KIAA0825: variants seen among roughly 807,000 people sequenced by gnomAD.
KIAA0825 encodes the protein uncharacterized protein KIAA0825.
Under a neutral mutation model 147.6 loss-of-function variants are expected in KIAA0825, and 119 were observed. That is an observed-to-expected ratio of 0.81 (90% CI 0.69 to 0.94). The LOEUF (loss-of-function observed/expected upper bound fraction) is 0.94, where lower values mean the gene tolerates loss of function less well. Ranked by LOEUF, KIAA0825 falls within the 40% of genes least tolerant of loss-of-function variation. The pLI is 0.00. For synonymous variants in KIAA0825, 470 were observed against 518.1 expected (o/e 0.91, Z 1.26); for missense variants, 1,381 against 1,472.7 (o/e 0.94, Z 1.02).
At chr5:94,461,885 A>G (rs1378989223) in intron 12 of KIAA0825, among the ~76,000 whole-genome samples, 1 of 151,990 alleles carries the variant, frequency 6.6e-6, no homozygotes, top group Non-Finnish European at 1.5e-5. Context: ...TGAATTAACC[A>G]GAAATCAAAA....
intron 2 of KIAA0825, among the ~76,000 whole-genome samples, chr5:94,546,420 C>A (rs77596499): frequency 6.6e-6 from 1 of 151,982 alleles, no homozygotes; most frequent in Non-Finnish European, 1.5e-5. Context: ...CAAGACCCAG[C>A]GCTGTGCTGG....
At chr5:94,384,956 G>A (rs796694192) in intron 19 of KIAA0825, among the ~76,000 whole-genome samples, 2 of 152,204 alleles carry the variant, frequency 1.3e-5, no homozygotes, top group African/African-American at 4.8e-5. Context: ...GCTTTAAAGG[G>A]AAGATTATGA....
intron 7 of KIAA0825, among the ~76,000 whole-genome samples, chr5:94,474,166 G>A (rs1761559793): frequency 6.6e-6 from 1 of 152,106 alleles, no homozygotes; most frequent in Admixed American, 6.5e-5. Context: ...CTGTTCTATT[G>A]TGGTGGTTGG....
intron 5 of KIAA0825, among the ~76,000 whole-genome samples, chr5:94,518,194 G>A (rs1442163102): frequency 3.3e-5 from 5 of 152,114 alleles, no homozygotes; most frequent in African/African-American, 1.2e-4. Context: ...TCATCTCAAA[G>A]ATGTATTTCC....
intron 20 of KIAA0825, among the ~76,000 whole-genome samples, chr5:94,186,678 T>C (rs1032103797): frequency 6.6e-6 from 1 of 152,196 alleles, no homozygotes; most frequent in Non-Finnish European, 1.5e-5. Context: ...TGCTCAGAGA[T>C]AGACCAATCA....
intron 20 of KIAA0825, among the ~76,000 whole-genome samples, chr5:94,260,440 C>T (rs1776437168): frequency 6.6e-6 from 1 of 152,100 alleles, no homozygotes; most frequent in Non-Finnish European, 1.5e-5. Flanking sequence ...CCAGTAAGAA[C>T]AGTCTTATAT....
intron 1 of KIAA0825, among the ~76,000 whole-genome samples, chr5:94,595,733 C>G (rs1312029221): frequency 1.3e-5 from 2 of 152,202 alleles, no homozygotes; most frequent in Admixed American, 6.5e-5. Flanking sequence ...AAAATAAGTT[C>G]CAATTCCAAA....
intron 15 of KIAA0825, chr5:94,416,939 G>T: frequency 3.4e-6 from 1 of 296,862 alleles, no homozygotes; most frequent in African/African-American, 2.1e-5. Flanking sequence ...AAATTTTTAT[G>T]ATAGAACATT....
intron 2 of KIAA0825, among the ~76,000 whole-genome samples, chr5:94,561,492 G>A (rs1445931664): frequency 3.3e-5 from 5 of 152,208 alleles, no homozygotes; most frequent in African/African-American, 1.2e-4. Flanking sequence ...CGTGAAGTGA[G>A]GGCAGTCTTA....
chr5:94,513,077 A>C lies in KIAA0825; in HGVS notation c.970+7171T>G, dbSNP rs575809084. ...TGTATACTTGTCCACATATTTGTTC[A>C]ATATTGAATAGTTGCAAGATAAGTT... On this transcript the variant is annotated intron_variant, in intron 5 of 20. Transcript: ENST00000682413. 2.6e-5 allele frequency among the ~76,000 whole-genome samples: 4 copies of C among 152,300 alleles called. No individual in the cohort carries two copies. In the South Asian group the frequency reaches 6.2e-4, roughly 24 times the overall value.
At chr5:94,540,739 T>A (rs1773126721) in intron 2 of KIAA0825, among the ~76,000 whole-genome samples, 1 of 152,234 alleles carries the variant, frequency 6.6e-6, no homozygotes, top group South Asian at 2.1e-4. Flanking sequence ...AAAAATATCT[T>A]CAAAAATGTA....
intron 20 of KIAA0825, among the ~76,000 whole-genome samples, chr5:94,327,533 A>C (rs1158717820): frequency 6.6e-6 from 1 of 152,170 alleles, no homozygotes; most frequent in Admixed American, 6.5e-5. Context: ...TACATGTGCT[A>C]TACAGTTATC....
intron 20 of KIAA0825, among the ~76,000 whole-genome samples, chr5:94,174,777 T>C (rs1429363777): frequency 6.6e-6 from 1 of 152,194 alleles, no homozygotes; most frequent in Non-Finnish European, 1.5e-5. Context: ...CCATTCCGTT[T>C]GATTTATCTT....
intron 20 of KIAA0825, among the ~76,000 whole-genome samples, chr5:94,332,585 T>G (rs1781397785): frequency 6.6e-6 from 1 of 152,172 alleles, no homozygotes. Context: ...TAGAATTCCA[T>G]GTTGTATATG....
Position 94,153,635 on chromosome 5 carries a change from C to T in KIAA0825, c.*372G>A, listed in dbSNP as rs1223592226. 6.4e-6 allele frequency: 1 copy of T among 157,394 alleles called. No homozygotes were observed. The highest frequency in any genetic ancestry group is 2.4e-5 in the African/African-American group (1 of 41,588). The allele number at this position is 157,394 out of a possible 1,614,324, so 9.7% of individuals were successfully genotyped here. On this transcript the variant is annotated 3_prime_UTR_variant, in exon 21 of 21. Coordinates refer to ENST00000682413, the MANE Select transcript of KIAA0825 (RefSeq NM_001145678.3). ...ATGACCTCCTGGGGCTATGTGACTC[C>T]ACTCAACTTAACATCCAAATGTTGT...
chr5:94,453,339 ATTTTTT>A (rs563316235), intron 12 of KIAA0825, among the ~76,000 whole-genome samples: 3 of 118,212 alleles, frequency 2.5e-5, no homozygotes, highest in Non-Finnish European at 5.2e-5. Context: ...CGTGTGGCTG[ATTTTTT>A]TTTTTTTTTT....
chr5:94,193,592 A>G (rs970862377), intron 20 of KIAA0825, among the ~76,000 whole-genome samples: 4 of 152,184 alleles, frequency 2.6e-5, no homozygotes, highest in African/African-American at 9.7e-5. Context: ...TTTAATAGCA[A>G]ATACTTACAT....
In KIAA0825 at chr5:94,471,458, ACAC is replaced by A; in HGVS notation, c.1721+5_1721+7del. The stretch of plus-strand genomic sequence containing the variant: ...CGTGGCCATCATCTTAATTTAAACA[ACAC>A]TCACTTTTTAGTCATTTCCTTCATC... On this transcript the variant is annotated splice_donor_5th_base_variant and intron_variant, in intron 9 of 20. Transcript: ENST00000682413. 3.9e-6 allele frequency: 6 copies of A among 1,551,208 alleles called. No individual in the cohort carries two copies. Among genetic ancestry groups the A allele is most frequent in the Non-Finnish European group, 5.2e-6 (6 of 1,146,508 alleles).
intron 2 of KIAA0825, chr5:94,569,703 A>C (rs1779523191): frequency 6.2e-6 from 2 of 321,524 alleles, no homozygotes; most frequent in East Asian, 9.7e-5. Context: ...GCCATACACT[A>C]ATCACCAGAT....
Sources: allele counts gnomAD v4.1 joint callset (sites outside exome capture counted in the v4.1 genomes callset), GRCh38; gene constraint gnomAD v4.1.1; transcripts MANE v1.5; gene names NCBI Gene and HGNC (gene_info 2026-07-23, HGNC 2026-07-21).